Variants in APP observed in about 807,000 individuals in gnomAD.
APP encodes the protein amyloid-beta precursor protein.
Under a neutral mutation model 101.4 loss-of-function variants are expected in APP, and 31 were observed. The observed-to-expected ratio is 0.31, with a 90% CI of 0.23 to 0.41. The LOEUF (loss-of-function observed/expected upper bound fraction) is 0.41. Among genes scored for constraint, APP ranks in the 10% least tolerant of loss-of-function variants. The pLI, the probability that APP is intolerant of heterozygous loss-of-function variation, is 1.00. For missense variants in APP, 839 were observed against 1,003.7 expected, an observed-to-expected ratio of 0.84 and a Z score of 2.22; for synonymous variants, 366 against 364.4, an observed-to-expected ratio of 1.00 and a Z score of -0.05.
chr21:26,035,650 A>C (rs1175305222), intron 5 of APP, among the ~76,000 whole-genome samples: 1 of 152,158 alleles, frequency 6.6e-6, no homozygotes, highest in Non-Finnish European at 1.5e-5. Context: ...AACACAACTT[A>C]AATTTGGGGG....
intron 15 of APP, among the ~76,000 whole-genome samples, chr21:25,900,784 G>A (rs896506569): frequency 2.0e-5 from 3 of 146,986 alleles, no homozygotes; most frequent in South Asian, 4.4e-4. Flanking sequence ...GGAGGATCAC[G>A]AGGTCAAGAG....
chr21:25,906,359 T>C (rs1220969340), intron 14 of APP, among the ~76,000 whole-genome samples: 1 of 89,298 alleles, frequency 1.1e-5, no homozygotes, highest in African/African-American at 4.7e-5. Flanking sequence ...ACATTTACAA[T>C]GTCTGTGGCC....
chr21:26,089,885 T>C (rs1433960086), intron 3 of APP, 58 bp downstream of exon 3: 25 of 1,610,128 alleles, frequency 1.6e-5, no homozygotes, highest in Non-Finnish European at 2.0e-5. Context: ...GCATCCTCTT[T>C]TTCTTCCCTC....
chr21:25,890,619 G>C (rs1349987686), intron 17 of APP, among the ~76,000 whole-genome samples: 3 of 150,626 alleles, frequency 2.0e-5, no homozygotes, highest in Non-Finnish European at 4.4e-5. Context: ...TGTGCCCATA[G>C]TCCCAGCTAC....
chr21:26,161,024 T>C (rs1248248015), intron 1 of APP, among the ~76,000 whole-genome samples: 2 of 152,250 alleles, frequency 1.3e-5, no homozygotes, highest in Non-Finnish European at 2.9e-5. Context: ...GTTTCTTAAA[T>C]GTTGAGAAGG....
chr21:26,156,000 C>CAAAA (rs757330872), intron 1 of APP, among the ~76,000 whole-genome samples: 7 of 90,156 alleles, frequency 7.8e-5, no homozygotes, highest in African/African-American at 2.2e-4. Flanking sequence ...GACTTCGTCT[C>CAAAA]AAAAAAAAAA....
chr21:26,000,203 G>T (rs757236847), intron 6 of APP, 21 bp from the exon 7 acceptor site: 2 of 1,613,830 alleles, frequency 1.2e-6, no homozygotes, highest in East Asian at 4.5e-5. Flanking sequence ...GAGATGTGGG[G>T]AACCACATTT....
At chr21:26,152,061 G>C (rs939244426) in intron 1 of APP, among the ~76,000 whole-genome samples, 2 of 151,946 alleles carry the variant, frequency 1.3e-5, no homozygotes, top group Non-Finnish European at 2.9e-5. Flanking sequence ...GGGATCACGA[G>C]GTCAGGAGAT....
intron 1 of APP, among the ~76,000 whole-genome samples, chr21:26,126,180 C>G (rs192686092): frequency 2.5e-4 from 38 of 152,312 alleles, no homozygotes; most frequent in African/African-American, 8.9e-4. Context: ...CAACTGTGAT[C>G]GCAAAACAGA....
intron 6 of APP, among the ~76,000 whole-genome samples, chr21:26,018,408 A>G (rs1367723989): frequency 6.6e-6 from 1 of 152,252 alleles, no homozygotes. Context: ...TTAGAGTTTT[A>G]CAAAATGAGT....
intron 11 of APP, among the ~76,000 whole-genome samples, chr21:25,970,023 A>AGAAAAT (rs1555832052): frequency 6.6e-6 from 1 of 150,394 alleles, no homozygotes; most frequent in African/African-American, 2.5e-5. Flanking sequence ...AGAGAGAGAG[A>AGAAAAT]AAATAAATAA....
At chr21:26,003,001 C>G (rs1445657305) in intron 6 of APP, among the ~76,000 whole-genome samples, 4 of 152,130 alleles carry the variant, frequency 2.6e-5, no homozygotes, top group African/African-American at 9.7e-5. Flanking sequence ...TATGTGAAAC[C>G]TAGCAACAAT....
intron 1 of APP, 119 bp from the exon 2 acceptor site, chr21:26,112,265 A>G (rs1271083779): frequency 6.4e-6 from 7 of 1,087,238 alleles, no homozygotes; most frequent in Non-Finnish European, 9.7e-6. Flanking sequence ...ATTAGGAATC[A>G]GCCCGGTCTT....
chr21:26,063,455 C>T lies in APP; in HGVS notation c.356-10107G>A, dbSNP rs994696914. ...TACTCTCCAATAAAAGGAACAAGGG[C>T]TCCTTGGAGGAACAGCTGATTCTAG... is the stretch of plus-strand genomic sequence containing the variant. On this transcript the variant is annotated intron_variant, in intron 3 of 17. Coordinates refer to ENST00000346798, the MANE Select transcript of APP (RefSeq NM_000484.4). 2.6e-5 allele frequency among the ~76,000 whole-genome samples: 4 copies of T among 151,978 alleles called. No individual in the cohort carries two copies. The East Asian group carries it at 7.8e-4, about 29-fold the overall frequency.
chr21:26,169,154 C>T (rs1233859094), intron 1 of APP: 2 of 152,194 alleles, frequency 1.3e-5, no homozygotes, highest in Non-Finnish European at 2.9e-5. Context: ...GAAAAACAGT[C>T]ATTGTGCACA....
At chr21:25,931,848 C>G (rs949793880) in intron 13 of APP, among the ~76,000 whole-genome samples, 4 of 152,096 alleles carry the variant, frequency 2.6e-5, no homozygotes, top group African/African-American at 9.7e-5. Context: ...GAAACATGGA[C>G]CCAGAGAGCT....
At chr21:26,127,680 T>C (rs2062712462) in intron 1 of APP, among the ~76,000 whole-genome samples, 1 of 152,226 alleles carries the variant, frequency 6.6e-6, no homozygotes. Flanking sequence ...CAATTCTGTA[T>C]TTAGTAATTA....
intron 1 of APP, among the ~76,000 whole-genome samples, chr21:26,169,859 C>G (rs2063703143): frequency 6.6e-6 from 1 of 152,190 alleles, no homozygotes; most frequent in Non-Finnish European, 1.5e-5. Context: ...GGTCTCCGAC[C>G]CCTCCCATTT....
At chr21:25,952,187 T>TACAC (rs1324301529) in intron 13 of APP, among the ~76,000 whole-genome samples, 3,372 of 111,070 alleles carry the variant, frequency 0.03, 123 homozygotes, top group African/African-American at 0.089. Context: ...GCATATTACA[T>TACAC]ACATACACAC....
Sources: gnomAD v4.1 joint callset for allele counts (sites outside exome capture counted in the v4.1 genomes callset) on GRCh38, gnomAD v4.1.1 for gene constraint, MANE v1.5 for transcripts, NCBI Gene and HGNC (gene_info 2026-07-23, HGNC 2026-07-21) for gene names.